Variants in TPRA1 observed in about 807,000 individuals in gnomAD.
TPRA1 encodes transmembrane protein adipocyte associated 1.
TPRA1 carries 28 observed loss-of-function variants against 40.1 expected under a neutral mutation model. The observed-to-expected ratio is 0.70, with a 90% confidence interval of 0.52 to 0.96. The LOEUF is 0.96. TPRA1 is among the 40% of genes least tolerant of loss of function. The pLI, the probability that TPRA1 is intolerant of heterozygous loss-of-function variation, is 0.00. For synonymous variants in TPRA1, 219 were observed against 209.7 expected (o/e 1.04, Z -0.38); for missense variants, 441 against 482.6 (o/e 0.91, Z 0.81).
chr3:127,585,821 G>A (rs1057090942), intron 1 of TPRA1, among the ~76,000 whole-genome samples: 1 of 152,174 alleles, frequency 6.6e-6, no homozygotes, highest in African/African-American at 2.4e-5. Flanking sequence ...CCCAGGACCA[G>A]AAGTTGAGTC....
chr3:127,592,365 C>CG (rs2074188767), upstream of TPRA1, among the ~76,000 whole-genome samples: 1 of 130,486 alleles, frequency 7.7e-6, no homozygotes, highest in Non-Finnish European at 1.6e-5. Flanking sequence ...GAGCAACATG[C>CG]TGTTTTTTTT....
At position 127,579,837 on chromosome 3, in the gene TPRA1, T is replaced by C. The variant is rs901246368; in HGVS notation, c.161A>G (p.Asn54Ser). Residue 54 changes from asparagine to serine, a missense_variant, in exon 3 of 11, where the codon AAT (asparagine) becomes AGT (serine). Physicochemically the swap from Asn to Ser is conservative, Grantham distance 46. Transcript: ENST00000355552. ...RYWDLLLLIP[N>S]VLFLIFLLWK... The stretch of plus-strand genomic sequence containing the variant: ...GAGCAGGAAGATGAGGAAGAGCACA[T>C]TGGGGATGAGCAGCAAGAGGTCCCA... 2.5e-6 allele frequency: 4 copies of C among 1,613,684 alleles called. No homozygotes were observed. The highest frequency in any genetic ancestry group is 3.4e-6 in the Non-Finnish European group (4 of 1,179,972).
chr3:127,573,339 G>C lies in TPRA1; in HGVS notation c.*182C>G, dbSNP rs995542020. ...AAGGGGAGGAGGGTCCCCAGTGAGAGCAGAGATGGCAAAGGGGATTGGGAG... is the reference window on the plus strand; with the variant it reads ...AAGGGGAGGAGGGTCCCCAGTGAGACCAGAGATGGCAAAGGGGATTGGGAG... On this transcript the variant is annotated 3_prime_UTR_variant, in exon 11 of 11. Coordinates refer to ENST00000355552, the MANE Select transcript of TPRA1 (RefSeq NM_001136053.4). 5.6e-6 allele frequency: 4 copies of C among 719,778 alleles called. No individual in the cohort carries two copies. The Admixed American group carries it at 1.2e-4, about 21-fold the overall frequency. 44.6% of individuals were successfully genotyped at this position (719,778 alleles called of 1,614,324 possible). A position where few individuals can be genotyped will look rare whatever the true frequency, so the allele number is the denominator to read the frequency against.
rs1279882894 is a variant in TPRA1 at position 127,579,845 on chromosome 3, G to A, written c.153C>T (p.Leu51=). 6 of 1,613,834 alleles carry A rather than the reference G, an allele frequency of 3.7e-6. No homozygotes were observed. The highest frequency in any genetic ancestry group is 1.7e-5 in the Admixed American group (1 of 59,998). ...SRVRYWDLLL[L]IPNVLFLIFL... ...AGATGAGGAAGAGCACATTGGGGAT[G>A]AGCAGCAAGAGGTCCCAGTACCGGA... The change falls in exon 3 of 11, where the codon CTC becomes CTT. Residue 51 remains leucine, a synonymous_variant. Transcript: ENST00000355552.
At chr3:127,587,664 T>C (rs1051009496) in intron 1 of TPRA1, among the ~76,000 whole-genome samples, 9 of 151,628 alleles carry the variant, frequency 5.9e-5, no homozygotes, top group Non-Finnish European at 1.3e-4. Context: ...ACAAAGGTGG[T>C]TGCTGCTTTT....
rs139272440 is a variant in TPRA1 at position 127,576,030 on chromosome 3, G to A, written c.519C>T (p.Tyr173=). 1.6e-5 allele frequency: 26 copies of A among 1,613,870 alleles called. No individual in the cohort carries two copies. Among genetic ancestry groups the A allele is most frequent in the Non-Finnish European group, 2.0e-5 (24 of 1,179,994 alleles). The change falls in exon 7 of 11, where the codon TAC becomes TAT. Residue 173 remains tyrosine (Y), a synonymous_variant. Transcript: ENST00000355552. This position sits in a 1 kb window ranked among gnomAD's most constrained non-coding sequence, Gnocchi z 4.6. ...CCTCAGCTGAGAGATGGGCATCAGG[G>A]TACAGGATCTCCAGGGTCCCCTGCA... is the stretch of plus-strand genomic sequence containing the variant. The part of the protein sequence containing the change: ...SVTQGTLEIL[Y]PDAHLSAEDF...
intron 10 of TPRA1, 42 bp downstream of exon 10, chr3:127,575,143 C>A (rs1018282730): frequency 6.2e-6 from 10 of 1,600,992 alleles, no homozygotes; most frequent in Non-Finnish European, 8.5e-6. Context: ...AGGCGCAGTT[C>A]CGCCGGCAGC....
upstream of TPRA1, among the ~76,000 whole-genome samples, chr3:127,591,507 C>G (rs1028762480): frequency 2.0e-5 from 3 of 152,190 alleles, no homozygotes; most frequent in African/African-American, 7.2e-5. Context: ...GGCATCGATG[C>G]TGCATTCACC....
Position 127,572,373 on chromosome 3 carries a change from A to G in TPRA1, c.*1148T>C, listed in dbSNP as rs186739045. 4.6e-3 allele frequency among the ~76,000 whole-genome samples: 696 copies of G among 152,370 alleles called. 3 individuals carry two copies. Among genetic ancestry groups the G allele is most frequent in the African/African-American group, 0.015 (627 of 41,596 alleles). On this transcript the variant is annotated 3_prime_UTR_variant, in exon 11 of 11. Coordinates refer to ENST00000355552, the MANE Select transcript of TPRA1 (RefSeq NM_001136053.4). ...CCTCCTCTCCAACTCTGGGGATTACATAACTGGCAGCAACTCCCTTTCACT... is the reference window on the plus strand; with the variant it reads ...CCTCCTCTCCAACTCTGGGGATTACGTAACTGGCAGCAACTCCCTTTCACT...
chr3:127,575,909 G>T (rs2073601233), intron 7 of TPRA1, 31 bp downstream of exon 7: 1 of 1,611,950 alleles, frequency 6.2e-7, no homozygotes, highest in African/African-American at 1.3e-5. Flanking sequence ...TAAGGCCCCA[G>T]CCACCCCAGC....
intron 10 of TPRA1, among the ~76,000 whole-genome samples, chr3:127,574,182 C>A (rs1404942137): frequency 6.6e-6 from 1 of 152,254 alleles, no homozygotes; most frequent in Non-Finnish European, 1.5e-5. Flanking sequence ...TCCACTCTGA[C>A]CTCGTCCCTC....
rs1372231329 is a variant in TPRA1 at position 127,571,383 on chromosome 3, A to T, written c.*2138T>A. On this transcript the variant is annotated 3_prime_UTR_variant, in exon 11 of 11. Coordinates refer to ENST00000355552, the MANE Select transcript of TPRA1 (RefSeq NM_001136053.4). ...TTGATCTCTGCAGAAGACTAATAAGAGTAATTAAAACTAATTAAGACTGTG... is the reference window on the plus strand; with the variant it reads ...TTGATCTCTGCAGAAGACTAATAAGTGTAATTAAAACTAATTAAGACTGTG... 3 of 152,248 alleles carry T rather than the reference A, an allele frequency of 2.0e-5. No homozygotes were observed. The highest frequency in any genetic ancestry group is 7.2e-5 in the African/African-American group (3 of 41,472). The allele number at this position is 152,248 out of a possible 1,614,324, so 9.4% of individuals were successfully genotyped here. A position where few individuals can be genotyped will look rare whatever the true frequency, so the allele number is the denominator to read the frequency against.
In TPRA1 at chr3:127,573,754, G is replaced by C. The variant is rs780802271; in HGVS notation, c.889C>G (p.Gln297Glu). The C allele has an allele frequency of 2.1e-5, 34 of 1,586,312 alleles. No homozygotes were observed. The highest frequency in any genetic ancestry group is 4.3e-6 in the Non-Finnish European group (5 of 1,160,522). The change falls in exon 11 of 11, where the codon CAA becomes GAA. Residue 297 changes from glutamine to glutamate, a missense_variant. Gln to Glu is a conservative substitution (Grantham distance 29). Transcript: ENST00000355552. ...TCTGGCTCCTCTGTCTCGTCCACTT[G>C]GCATTTGTAGGAGAAGAGGATCTTG... is the stretch of plus-strand genomic sequence containing the variant. ...EPKILFSYKC[Q>E]VDETEEPDVH...
In TPRA1 at chr3:127,572,807, G is replaced by A. The variant is rs2073414147; in HGVS notation, c.*714C>T. Among the ~76,000 whole-genome samples, 1 of 152,214 alleles carries A rather than the reference G, an allele frequency of 6.6e-6. No individual in the cohort carries two copies. Among genetic ancestry groups the A allele is most frequent in the African/African-American group, 2.4e-5 (1 of 41,460 alleles). ...AAGACAACAGTGTGTGTCTGACAAAGGGAGAGGGGCTGGCTCACAAAACAT... is the reference window on the plus strand; with the variant it reads ...AAGACAACAGTGTGTGTCTGACAAAAGGAGAGGGGCTGGCTCACAAAACAT... On this transcript the variant is annotated 3_prime_UTR_variant, in exon 11 of 11. Transcript: ENST00000355552.
chr3:127,584,341 C>A (rs2073931244), intron 1 of TPRA1, among the ~76,000 whole-genome samples: 3 of 145,758 alleles, frequency 2.1e-5, no homozygotes, highest in Non-Finnish European at 4.5e-5. Context: ...CTCGGTGGGG[C>A]CGAGGTGGAA....
In TPRA1 at chr3:127,573,065, C is replaced by T. The variant is rs2073422986; in HGVS notation, c.*456G>A. On this transcript the variant is annotated 3_prime_UTR_variant, in exon 11 of 11. Coordinates refer to ENST00000355552, the MANE Select transcript of TPRA1 (RefSeq NM_001136053.4). ...TATTCCTGCAAAACCTCCACATTAG[C>T]ACCTTCTGCTCCTTTTCCTTTTTAT... is the stretch of plus-strand genomic sequence containing the variant. 6.5e-6 allele frequency: 1 copy of T among 153,116 alleles called. No homozygotes were observed. The highest frequency in any genetic ancestry group is 1.5e-5 in the Non-Finnish European group (1 of 68,628). The allele number at this position is 153,116 out of a possible 1,614,324, so 9.5% of individuals were successfully genotyped here. A position where few individuals can be genotyped will look rare whatever the true frequency, so the allele number is the denominator to read the frequency against.
At chr3:127,597,742 G>A (rs969519763) in intron 1 of TPRA1, among the ~76,000 whole-genome samples, 8 of 152,204 alleles carry the variant, frequency 5.3e-5, no homozygotes, top group Admixed American at 3.9e-4. Context: ...TGAGCTTTGG[G>A]AGAAGTTAAA....
At position 127,573,392 on chromosome 3, in the gene TPRA1, A is replaced by G; in HGVS notation, c.*129T>C. On this transcript the variant is annotated 3_prime_UTR_variant, in exon 11 of 11. Coordinates refer to ENST00000355552, the MANE Select transcript of TPRA1 (RefSeq NM_001136053.4). ...CCAGGGAGGTGGGGCCTCCAGACTC[A>G]TGGTGGGAACAGGGCCACACAGGGC... 1 of 1,278,310 alleles carries G rather than the reference A, an allele frequency of 7.8e-7. No homozygotes were observed. The highest frequency in any genetic ancestry group is 1.0e-6 in the Non-Finnish European group (1 of 956,066). 79.2% of individuals were successfully genotyped at this position (1,278,310 alleles called of 1,614,324 possible). A position where few individuals can be genotyped will look rare whatever the true frequency, so the allele number is the denominator to read the frequency against.
chr3:127,576,067 GA>G lies in TPRA1; in HGVS notation c.499-18del. ...CAGGGTCCCCTGCAGGGGCAAGCAG[GA>G]AGGGAGGAAGGGAGAGGATCTCAAG... On this transcript the variant is annotated intron_variant, in intron 6 of 10. Coordinates refer to ENST00000355552, the MANE Select transcript of TPRA1 (RefSeq NM_001136053.4). This position sits in a 1 kb window ranked among gnomAD's most constrained non-coding sequence, Gnocchi z 4.6. 6.3e-7 allele frequency: 1 copy of G among 1,578,528 alleles called. No homozygotes were observed. The highest frequency in any genetic ancestry group is 8.7e-7 in the Non-Finnish European group (1 of 1,148,660).
Sources: gnomAD v4.1 joint callset for allele counts (sites outside exome capture counted in the v4.1 genomes callset) on GRCh38, gnomAD v4.1.1 for gene constraint, Gnocchi (gnomAD v3.1) non-coding constraint, MANE v1.5 for transcripts, NCBI Gene and HGNC (gene_info 2026-07-23, HGNC 2026-07-21) for gene names.